Variants in ZNF385B observed in about 807,000 individuals in gnomAD.
The protein encoded by ZNF385B is zinc finger protein 533.
Under a neutral mutation model 39.2 loss-of-function variants are expected in ZNF385B, and 23 were observed. The observed-to-expected ratio is 0.59, with a 90% CI of 0.42 to 0.83. The LOEUF (loss-of-function observed/expected upper bound fraction) is 0.83. ZNF385B is among the 40% of genes least tolerant of loss of function. The pLI is 0.00. For synonymous variants in ZNF385B, 205 were observed against 222.6 expected, an observed-to-expected ratio of 0.92 and a Z score of 0.70; for missense variants, 552 against 598.9, an observed-to-expected ratio of 0.92 and a Z score of 0.82.
chr2:179,723,851 AT>A (rs1700841236), intron 3 of ZNF385B, among the ~76,000 whole-genome samples: 1 of 152,174 alleles, frequency 6.6e-6, no homozygotes, highest in Admixed American at 6.5e-5. Flanking sequence ...TAACATACTA[AT>A]TAGGCTAAGT....
chr2:179,680,341 CTA>C (rs1429503172), intron 3 of ZNF385B, among the ~76,000 whole-genome samples: 4 of 152,134 alleles, frequency 2.6e-5, no homozygotes, highest in Admixed American at 1.3e-4. Flanking sequence ...GATGACTCAA[CTA>C]TGGTTATACA....
rs373239163 is a variant in ZNF385B at position 179,831,295 on chromosome 2, T to A, written c.-155+29806A>T. ...TTAATTCTCACATAACCTTATGAGG[T>A]AGGTATCCTTGTTTTCTAAGGAAAC... On this transcript the variant is annotated intron_variant, in intron 1 of 9. Transcript: ENST00000410066. 5.8e-4 allele frequency among the ~76,000 whole-genome samples: 88 copies of A among 152,288 alleles called. 2 individuals are homozygous for A. Among genetic ancestry groups the A allele is most frequent in the South Asian group, 4.6e-3 (22 of 4,830 alleles).
intron 3 of ZNF385B, among the ~76,000 whole-genome samples, chr2:179,746,415 G>A (rs1210860789): frequency 1.3e-5 from 2 of 152,038 alleles, no homozygotes; most frequent in Non-Finnish European, 2.9e-5. Context: ...CCATATATTT[G>A]ACATAGATGT....
In ZNF385B at chr2:179,443,313, A is replaced by C; in HGVS notation, c.1398T>G (p.Leu466=). The C allele has an allele frequency of 2.5e-6, 4 of 1,612,930 alleles. No homozygotes were observed. The highest frequency in any genetic ancestry group is 3.4e-6 in the Non-Finnish European group (4 of 1,179,966). ...LFQAPAIPPA[L]LRPGHGPIRA... ...GGATGGGCCCATGCCCAGGCCTCAG[A>C]AGAGCTGGAGGAATGGCTGGAGCCT... Residue 466 remains leucine (L), a synonymous_variant, in exon 10 of 10, where the codon CTT becomes CTG. Coordinates refer to ENST00000410066, the MANE Select transcript of ZNF385B (RefSeq NM_152520.6).
intron 3 of ZNF385B, among the ~76,000 whole-genome samples, chr2:179,747,707 C>T (rs929785261): frequency 2.6e-5 from 4 of 151,994 alleles, no homozygotes; most frequent in Non-Finnish European, 4.4e-5. Context: ...TATCTAAAAC[C>T]CTTCGGGCTT....
chr2:179,541,961 T>A (rs1439295312), intron 4 of ZNF385B, among the ~76,000 whole-genome samples: 1 of 152,190 alleles, frequency 6.6e-6, no homozygotes, highest in Non-Finnish European at 1.5e-5. Flanking sequence ...TCAATAACTC[T>A]CTTTCTTCCT....
At chr2:179,576,144 C>T in intron 3 of ZNF385B, 1 of 985,400 alleles carries the variant, frequency 1.0e-6, no homozygotes, top group Non-Finnish European at 1.2e-6. Flanking sequence ...CGTCTCAAAT[C>T]CATCCCTGTG....
At chr2:179,682,069 C>A (rs1370188736) in intron 3 of ZNF385B, among the ~76,000 whole-genome samples, 1 of 152,208 alleles carries the variant, frequency 6.6e-6, no homozygotes, top group Non-Finnish European at 1.5e-5. Context: ...GTCATATATG[C>A]ACACATGCCA....
intron 3 of ZNF385B, among the ~76,000 whole-genome samples, chr2:179,644,973 T>G (rs536353240): frequency 6.6e-6 from 1 of 152,364 alleles, no homozygotes; most frequent in South Asian, 2.1e-4. Flanking sequence ...ATGTAACATA[T>G]ATACATACTA....
At chr2:179,616,919 T>C (rs1689797247) in intron 3 of ZNF385B, among the ~76,000 whole-genome samples, 1 of 152,104 alleles carries the variant, frequency 6.6e-6, no homozygotes. Flanking sequence ...CTCTTATTTC[T>C]TGCTGTGACT....
chr2:179,570,433 T>C (rs1685078643), intron 3 of ZNF385B, among the ~76,000 whole-genome samples: 2 of 152,190 alleles, frequency 1.3e-5, no homozygotes, highest in Non-Finnish European at 2.9e-5. Flanking sequence ...CAGACCCCAG[T>C]TCAAATTTTG....
intron 1 of ZNF385B, among the ~76,000 whole-genome samples, chr2:179,798,344 T>C (rs1485850582): frequency 1.3e-5 from 2 of 152,070 alleles, no homozygotes; most frequent in Non-Finnish European, 2.9e-5. Context: ...TTTTAAATAC[T>C]ACAAGTCTGG....
intron 1 of ZNF385B, chr2:179,814,476 T>C (rs527672092): frequency 9.1e-5 from 50 of 550,410 alleles, no homozygotes; most frequent in South Asian, 7.6e-4. Flanking sequence ...GTATGAGTTA[T>C]ATGATCCATG....
intron 3 of ZNF385B, among the ~76,000 whole-genome samples, chr2:179,566,457 C>A (rs1388567721): frequency 6.6e-6 from 1 of 152,158 alleles, no homozygotes; most frequent in Non-Finnish European, 1.5e-5. Context: ...GTCTTCCTTG[C>A]AAAACATAAA....
chr2:179,446,624 C>T lies in ZNF385B; in HGVS notation c.862G>A (p.Val288Ile). ...SKSTNGAPGT[V>I]VESEEEKAKK... ...GCTTTTTCTTCTTCTGATTCAACAA[C>T]AGTACCGGGAGCTCCATTTGTGCTC... The change falls in exon 7 of 10, where the codon GTT (valine) becomes ATT (isoleucine). Residue 288 changes from valine (V) to isoleucine (I), a missense_variant. By Grantham distance (29) the Val-to-Ile change is conservative. Transcript: ENST00000410066. 2 of 1,614,034 alleles carry T rather than the reference C, an allele frequency of 1.2e-6. No individual in the cohort carries two copies. The highest frequency in any genetic ancestry group is 1.7e-6 in the Non-Finnish European group (2 of 1,179,970).
At chr2:179,830,975 C>T (rs1707951863) in intron 1 of ZNF385B, among the ~76,000 whole-genome samples, 1 of 152,134 alleles carries the variant, frequency 6.6e-6, no homozygotes, top group African/African-American at 2.4e-5. Context: ...CAGAAGAACT[C>T]TCTATACTTT....
chr2:179,670,291 C>CA (rs35600247), intron 3 of ZNF385B, among the ~76,000 whole-genome samples: 46,924 of 100,370 alleles, frequency 0.47, 11,109 homozygotes, highest in African/African-American at 0.62. Context: ...GACTCCGTCT[C>CA]AAAAAAAAAA....
intron 3 of ZNF385B, among the ~76,000 whole-genome samples, chr2:179,743,060 C>T (rs768581382): frequency 6.6e-6 from 1 of 152,030 alleles, no homozygotes; most frequent in Non-Finnish European, 1.5e-5. Flanking sequence ...ACAAATGTCA[C>T]TATTCTAAGA....
intron 1 of ZNF385B, among the ~76,000 whole-genome samples, chr2:179,830,786 CATGACA>C (rs1244020419): frequency 1.3e-5 from 2 of 152,172 alleles, no homozygotes; most frequent in Non-Finnish European, 2.9e-5. Context: ...ATGGTATACA[CATGACA>C]ATATGTATCT....
Sources: allele counts gnomAD v4.1 joint callset (sites outside exome capture counted in the v4.1 genomes callset), GRCh38; gene constraint gnomAD v4.1.1; transcripts MANE v1.5; gene names NCBI Gene and HGNC (gene_info 2026-07-23, HGNC 2026-07-21).